TSHZ1: variants seen among roughly 807,000 people sequenced by gnomAD.
TSHZ1 encodes teashirt zinc finger homeobox 1.
TSHZ1 carries 12 observed loss-of-function variants against 67.1 expected under a neutral mutation model. The ratio of observed to expected loss-of-function variants is 0.18; its 90% CI spans 0.11 to 0.29. The LOEUF (loss-of-function observed/expected upper bound fraction) is 0.29, where lower values mean the gene tolerates loss of function less well. TSHZ1 is among the 10% of genes least tolerant of loss of function. The pLI is 1.00. For missense variants in TSHZ1, 1,305 were observed against 1,413.9 expected (o/e 0.92, Z 1.23); for synonymous variants, 632 against 622.4 (o/e 1.02, Z -0.23).
Position 75,287,608 on chromosome 18 carries a change from T to A in TSHZ1, c.2201T>A (p.Met734Lys). Residue 734 changes from methionine (M) to lysine (K), a missense_variant, in exon 2 of 2, where the codon ATG becomes AAG. Transcript: ENST00000580243. The surrounding 1 kb of genome is among the most constrained non-coding windows in gnomAD (Gnocchi z 5.0). ...GGCTGTAACAACCTGGGGATCATCA[T>A]GGACCACTCACCGGAGCCTTCCTTC... ...TNGCNNLGII[M>K]DHSPEPSFIN... 1 of 1,614,174 alleles carries A rather than the reference T, an allele frequency of 6.2e-7. No individual in the cohort carries two copies.
intron 1 of TSHZ1, among the ~76,000 whole-genome samples, chr18:75,233,397 T>G (rs2023024923): frequency 1.3e-5 from 2 of 152,192 alleles, no homozygotes; most frequent in Non-Finnish European, 2.9e-5. Context: ...TTCTGCTGAT[T>G]TTCATGGTGA....
intron 1 of TSHZ1, among the ~76,000 whole-genome samples, chr18:75,255,545 A>C (rs1212868317): frequency 6.6e-6 from 1 of 151,996 alleles, no homozygotes; most frequent in East Asian, 1.9e-4. Context: ...CTTTGATTTT[A>C]TATGTGATAC....
At chr18:75,245,445 A>G (rs2023209954) in intron 1 of TSHZ1, 1 of 152,216 alleles carries the variant, frequency 6.6e-6, no homozygotes, top group African/African-American at 2.4e-5. Flanking sequence ...TATTTTAAAT[A>G]TCTTTTTAGT....
chr18:75,219,442 G>A (rs2022816739), intron 1 of TSHZ1, among the ~76,000 whole-genome samples: 1 of 152,160 alleles, frequency 6.6e-6, no homozygotes, highest in South Asian at 2.1e-4. Context: ...TAACACTCCT[G>A]GAATTGTAGA....
At chr18:75,230,744 C>T (rs907671186) in intron 1 of TSHZ1, among the ~76,000 whole-genome samples, 2 of 152,162 alleles carry the variant, frequency 1.3e-5, no homozygotes, top group Non-Finnish European at 2.9e-5. Context: ...CTGACTTCCC[C>T]GTGATTTGTG....
intron 1 of TSHZ1, chr18:75,282,820 T>TA (rs1358593219): frequency 6.6e-6 from 1 of 152,272 alleles, no homozygotes; most frequent in Non-Finnish European, 1.5e-5. Flanking sequence ...AGTCACTTAT[T>TA]AGCACACACA....
chr18:75,266,089 C>T (rs542462388), intron 1 of TSHZ1, among the ~76,000 whole-genome samples: 1 of 152,292 alleles, frequency 6.6e-6, no homozygotes, highest in African/African-American at 2.4e-5. Context: ...GTCCCCATCC[C>T]CGGGTGAGTG....
chr18:75,219,457 C>T (rs2022816981), intron 1 of TSHZ1, among the ~76,000 whole-genome samples: 2 of 152,192 alleles, frequency 1.3e-5, no homozygotes, highest in Non-Finnish European at 2.9e-5. Flanking sequence ...TGTAGACAGC[C>T]TCCATGATCA....
intron 1 of TSHZ1, among the ~76,000 whole-genome samples, chr18:75,261,030 C>T (rs1005127351): frequency 7.9e-5 from 12 of 152,096 alleles, no homozygotes; most frequent in East Asian, 3.9e-4. Context: ...GGGCTTCCCC[C>T]GGGAGTGAAA....
Position 75,234,210 on chromosome 18 carries a change from C to T in TSHZ1, c.40+22294C>T, listed in dbSNP as rs559954328. ...CCGGAGCCTGTGGGCCAGAGAGAAA[C>T]GGGGCAGCCTGGGAGCCCTTTATTC... On this transcript the variant is annotated intron_variant, in intron 1 of 1. Transcript: ENST00000580243. Among the ~76,000 whole-genome samples the T allele has an allele frequency of 1.1e-4, 17 of 152,262 alleles. No homozygotes were observed. The East Asian group carries it at 1.4e-3, about 12-fold the overall frequency.
rs761307466 is a variant in TSHZ1, at chr18:75,265,012, A to C, written c.41-20436A>C. Among the ~76,000 whole-genome samples, 8 of 152,356 alleles carry C rather than the reference A, an allele frequency of 5.3e-5. No homozygotes were observed. In the South Asian group the frequency reaches 8.3e-4, roughly 16 times the overall value. On this transcript the variant is annotated intron_variant, in intron 1 of 1. Coordinates refer to ENST00000580243, the MANE Select transcript of TSHZ1 (RefSeq NM_001308210.2). ...ATTTTTTGGCTTAAATTGGTACGTTAAATATGCTTCTGTTTTAAAATATTT... is the reference window on the plus strand; with the variant it reads ...ATTTTTTGGCTTAAATTGGTACGTTCAATATGCTTCTGTTTTAAAATATTT...
At chr18:75,259,889 G>T (rs887544683) in intron 1 of TSHZ1, among the ~76,000 whole-genome samples, 2 of 152,150 alleles carry the variant, frequency 1.3e-5, no homozygotes, top group Non-Finnish European at 2.9e-5. Flanking sequence ...TGGCGTCAAA[G>T]AGTATGCGTA....
In TSHZ1 at chr18:75,287,729, G is replaced by A; in HGVS notation, c.2322G>A (p.Leu774=). The change falls in exon 2 of 2, where the codon CTG becomes CTA. Residue 774 remains leucine (L), a synonymous_variant. Coordinates refer to ENST00000580243, the MANE Select transcript of TSHZ1 (RefSeq NM_001308210.2). This position sits in a 1 kb window ranked among gnomAD's most constrained non-coding sequence, Gnocchi z 5.0. ...CCTCGCTGGACCCGCTGGCGATGCT[G>A]TACAAGATCAGCAACAGCATGCTGG... ...VSPSLDPLAM[L]YKISNSMLDK... 6.2e-7 allele frequency: 1 copy of A among 1,614,142 alleles called. No individual in the cohort carries two copies. The highest frequency in any genetic ancestry group is 1.6e-4 in the Middle Eastern group (1 of 6,062).
Position 75,211,832 on chromosome 18 carries a change from G to A in TSHZ1, c.-45G>A. 2 of 1,117,270 alleles carry A rather than the reference G, an allele frequency of 1.8e-6. No homozygotes were observed. The highest frequency in any genetic ancestry group is 2.2e-6 in the Non-Finnish European group (2 of 915,392). 69.2% of individuals were successfully genotyped at this position (1,117,270 alleles called of 1,614,324 possible). ...GGGGCCCCGCGTCCCCGCGCCCCGCGAACTCCGGCGGCGGCTGAGGCGACG... is the reference window on the plus strand; with the variant it reads ...GGGGCCCCGCGTCCCCGCGCCCCGCAAACTCCGGCGGCGGCTGAGGCGACG... On this transcript the variant is annotated 5_prime_UTR_variant, in exon 1 of 2. Coordinates refer to ENST00000580243, the MANE Select transcript of TSHZ1 (RefSeq NM_001308210.2).
At chr18:75,271,008 T>C (rs538523538) in intron 1 of TSHZ1, among the ~76,000 whole-genome samples, 1 of 152,320 alleles carries the variant, frequency 6.6e-6, no homozygotes, top group African/African-American at 2.4e-5. Context: ...GTAAGAGACT[T>C]TCCTGCAGAA....
chr18:75,276,466 A>G (rs951061765), intron 1 of TSHZ1, among the ~76,000 whole-genome samples: 1 of 152,084 alleles, frequency 6.6e-6, no homozygotes, highest in Non-Finnish European at 1.5e-5. Flanking sequence ...CTCTCTGTGC[A>G]TTTTTTTGTT....
chr18:75,269,713 A>G lies in TSHZ1; in HGVS notation c.41-15735A>G, dbSNP rs1235159095. On this transcript the variant is annotated intron_variant, in intron 1 of 1. Coordinates refer to ENST00000580243, the MANE Select transcript of TSHZ1 (RefSeq NM_001308210.2). ...GTTCAGTGGCATTAAATACATTTGC[A>G]TTGCTGTGTAGCCATCACCACCCCA... 7.9e-5 allele frequency among the ~76,000 whole-genome samples: 12 copies of G among 152,296 alleles called. No homozygotes were observed. In the East Asian group the frequency reaches 1.9e-3, roughly 24 times the overall value.
chr18:75,222,824 G>A (rs148087852), intron 1 of TSHZ1, among the ~76,000 whole-genome samples: 9 of 152,166 alleles, frequency 5.9e-5, no homozygotes, highest in Non-Finnish European at 8.8e-5. Context: ...TCTGAAAGTA[G>A]GATCTTGTTG....
chr18:75,244,747 G>C (rs997948125), intron 1 of TSHZ1: 15 of 152,300 alleles, frequency 9.8e-5, no homozygotes, highest in African/African-American at 3.4e-4. Flanking sequence ...TCAGTGCCCC[G>C]TGTTTCCTGG....
Sources: gnomAD v4.1 joint callset for allele counts (sites outside exome capture counted in the v4.1 genomes callset) on GRCh38, gnomAD v4.1.1 for gene constraint, Gnocchi (gnomAD v3.1) non-coding constraint, MANE v1.5 for transcripts, NCBI Gene and HGNC (gene_info 2026-07-23, HGNC 2026-07-21) for gene names.